Variants in UBE2E2 observed in about 807,000 individuals in gnomAD.
UBE2E2 encodes the protein ubiquitin conjugating enzyme E2 E2.
A neutral mutation model predicts 24.7 loss-of-function variants in UBE2E2; 6 were observed. The observed-to-expected ratio is 0.24, with a 90% CI of 0.13 to 0.48. The LOEUF (loss-of-function observed/expected upper bound fraction) is 0.48. UBE2E2 is among the 20% of genes least tolerant of loss of function. The pLI is 0.99. For synonymous variants in UBE2E2, 104 were observed against 83.6 expected, an observed-to-expected ratio of 1.24 and a Z score of -1.33; for missense variants, 169 against 245.0, an observed-to-expected ratio of 0.69 and a Z score of 2.07.
intron 3 of UBE2E2, among the ~76,000 whole-genome samples, chr3:23,445,322 A>G (rs1337452716): frequency 2.6e-5 from 4 of 152,178 alleles, no homozygotes; most frequent in Admixed American, 2.6e-4. Flanking sequence ...TGAGACACAC[A>G]AATGCCCCTG....
rs201482031 is a variant in UBE2E2, at chr3:23,300,184, C to T, written c.227+82872C>T. Among the ~76,000 whole-genome samples the T allele has an allele frequency of 7.8e-4, 118 of 152,136 alleles. 5 individuals carry two copies. The East Asian group carries it at 0.016, about 20-fold the overall frequency. On this transcript the variant is annotated intron_variant, in intron 3 of 5. Coordinates refer to ENST00000396703, the MANE Select transcript of UBE2E2 (RefSeq NM_152653.4). ...TTTTGAGCCTATGTGTGTCTCTGCA[C>T]GTGAGATGGGTTTCCTGAATACAGC...
intron 3 of UBE2E2, among the ~76,000 whole-genome samples, chr3:23,440,646 A>G (rs1353056986): frequency 6.6e-6 from 1 of 152,218 alleles, no homozygotes; most frequent in Non-Finnish European, 1.5e-5. Flanking sequence ...AGATACTGAG[A>G]AAAAGGATAA....
chr3:23,494,569 C>G (rs1699565712), intron 3 of UBE2E2, among the ~76,000 whole-genome samples: 1 of 152,154 alleles, frequency 6.6e-6, no homozygotes, highest in African/African-American at 2.4e-5. Flanking sequence ...GGGTTCTCAA[C>G]TGGTACATAT....
At chr3:23,386,454 C>G (rs916709847) in intron 3 of UBE2E2, among the ~76,000 whole-genome samples, 1 of 152,090 alleles carries the variant, frequency 6.6e-6, no homozygotes, top group Non-Finnish European at 1.5e-5. Context: ...ACATTCGGAC[C>G]ATAGCAGAAA....
chr3:23,551,983 G>A (rs1451979257), intron 5 of UBE2E2, among the ~76,000 whole-genome samples: 2 of 152,158 alleles, frequency 1.3e-5, no homozygotes, highest in Non-Finnish European at 2.9e-5. Context: ...AGAGACACCA[G>A]AGAACTCTGT....
intron 3 of UBE2E2, among the ~76,000 whole-genome samples, chr3:23,279,268 C>A (rs1177779275): frequency 1.3e-5 from 2 of 152,102 alleles, no homozygotes; most frequent in African/African-American, 4.8e-5. Context: ...AATGTGAGAT[C>A]TACCGGAGGA....
At chr3:23,581,744 T>C (rs1184913713) in intron 5 of UBE2E2, among the ~76,000 whole-genome samples, 1 of 152,162 alleles carries the variant, frequency 6.6e-6, no homozygotes, top group East Asian at 1.9e-4. Context: ...GAAAGGGGAA[T>C]AAAAAAATTT....
At chr3:23,573,471 C>T (rs1348528282) in intron 5 of UBE2E2, among the ~76,000 whole-genome samples, 4 of 152,060 alleles carry the variant, frequency 2.6e-5, no homozygotes, top group Admixed American at 6.6e-5. Flanking sequence ...ATAGATGAAT[C>T]GTGTTATCTT....
chr3:23,308,452 AAGG>A (rs770423041), intron 3 of UBE2E2, among the ~76,000 whole-genome samples: 13 of 152,214 alleles, frequency 8.5e-5, no homozygotes, highest in East Asian at 1.9e-4. Context: ...TTTACACAAA[AAGG>A]AGGATATTAT....
intron 3 of UBE2E2, among the ~76,000 whole-genome samples, chr3:23,277,041 T>C (rs1035800592): frequency 6.6e-6 from 1 of 152,200 alleles, no homozygotes; most frequent in African/African-American, 2.4e-5. Flanking sequence ...CTTCTGATAG[T>C]AGACGGTGTG....
chr3:23,334,620 T>C (rs1275567355), intron 3 of UBE2E2, among the ~76,000 whole-genome samples: 1 of 152,200 alleles, frequency 6.6e-6, no homozygotes, highest in Non-Finnish European at 1.5e-5. Flanking sequence ...AAGGTATGTT[T>C]TGAATAAGAA....
chr3:23,299,133 T>C (rs1699000492), intron 3 of UBE2E2, among the ~76,000 whole-genome samples: 1 of 152,232 alleles, frequency 6.6e-6, no homozygotes, highest in Non-Finnish European at 1.5e-5. Flanking sequence ...TCAGTGTTGA[T>C]ATCCCCGTTA....
intron 3 of UBE2E2, among the ~76,000 whole-genome samples, chr3:23,371,856 G>A (rs185431088): frequency 5.3e-5 from 8 of 152,246 alleles, no homozygotes; most frequent in African/African-American, 7.2e-5. Context: ...CGTGGCTTAT[G>A]TCTGTAATCC....
chr3:23,289,773 G>A (rs146106908), intron 3 of UBE2E2, among the ~76,000 whole-genome samples: 1 of 152,312 alleles, frequency 6.6e-6, no homozygotes, highest in Non-Finnish European at 1.5e-5. Context: ...TTATGAAATT[G>A]TAAAGGAATG....
chr3:23,514,960 T>G (rs2125469057), intron 4 of UBE2E2, among the ~76,000 whole-genome samples: 1 of 152,336 alleles, frequency 6.6e-6, no homozygotes, highest in Non-Finnish European at 1.5e-5. Context: ...TTAATTTTGA[T>G]CTTGTCCTTT....
intron 5 of UBE2E2, among the ~76,000 whole-genome samples, chr3:23,558,520 A>G (rs13082311): frequency 0.064 from 9,740 of 152,044 alleles, 468 homozygotes; most frequent in Non-Finnish European, 0.087. Flanking sequence ...AGTCTCCAAG[A>G]AAAGGTTCAA....
intron 5 of UBE2E2, among the ~76,000 whole-genome samples, chr3:23,554,754 C>G (rs768211594): frequency 6.6e-6 from 1 of 151,970 alleles, no homozygotes; most frequent in Non-Finnish European, 1.5e-5. Context: ...AACTTCTCCA[C>G]AGCAAAAGAA....
At chr3:23,557,893 T>C (rs1431928758) in intron 5 of UBE2E2, among the ~76,000 whole-genome samples, 4 of 152,236 alleles carry the variant, frequency 2.6e-5, no homozygotes, top group African/African-American at 7.2e-5. Flanking sequence ...CCTTGGAGTT[T>C]ATAGGGATCT....
intron 3 of UBE2E2, among the ~76,000 whole-genome samples, chr3:23,271,849 T>C (rs1407412827): frequency 2.0e-5 from 3 of 152,204 alleles, no homozygotes; most frequent in South Asian, 4.1e-4. Flanking sequence ...AGAGTGCTCA[T>C]TGGTGCATCC....
Sources: allele counts gnomAD v4.1 joint callset (sites outside exome capture counted in the v4.1 genomes callset), GRCh38; gene constraint gnomAD v4.1.1; transcripts MANE v1.5; gene names NCBI Gene and HGNC (gene_info 2026-07-23, HGNC 2026-07-21).